GRIN3A: variants seen among roughly 807,000 people sequenced by gnomAD.
GRIN3A encodes the protein glutamate ionotropic receptor NMDA type subunit 3A.
In GRIN3A, 47 loss-of-function variants were observed where a neutral mutation model predicts 92.4. That is an observed-to-expected ratio of 0.51 (90% CI 0.40 to 0.65). The LOEUF is 0.65. Ranked by LOEUF, GRIN3A falls within the 30% of genes least tolerant of loss-of-function variation. The pLI is 0.00. For synonymous variants in GRIN3A, 527 were observed against 540.6 expected, an observed-to-expected ratio of 0.97 and a Z score of 0.35; for missense variants, 1,324 against 1,393.1, an observed-to-expected ratio of 0.95 and a Z score of 0.79.
At chr9:101,614,531 T>C (rs935070933) in intron 5 of GRIN3A, among the ~76,000 whole-genome samples, 3 of 151,956 alleles carry the variant, frequency 2.0e-5, no homozygotes, top group Non-Finnish European at 2.9e-5. Flanking sequence ...CAGCATGAAT[T>C]CATTGTGTAA....
intron 6 of GRIN3A, among the ~76,000 whole-genome samples, chr9:101,596,124 A>C (rs113372832): frequency 0.02 from 3,074 of 152,296 alleles, 33 homozygotes; most frequent in Non-Finnish European, 0.033. Context: ...CCTTCGCTTT[A>C]AAAAATGTTG....
At chr9:101,622,198 CT>C (rs1828566591) in intron 5 of GRIN3A, among the ~76,000 whole-genome samples, 1 of 152,178 alleles carries the variant, frequency 6.6e-6, no homozygotes, top group African/African-American at 2.4e-5. Flanking sequence ...ACATTTTAAT[CT>C]GCTGATATAT....
intron 1 of GRIN3A, among the ~76,000 whole-genome samples, chr9:101,693,948 G>A (rs926431510): frequency 6.6e-6 from 1 of 152,058 alleles, no homozygotes; most frequent in Non-Finnish European, 1.5e-5. Context: ...ACCACATATG[G>A]GGATGTCAAC....
chr9:101,581,704 C>T (rs770154448), intron 6 of GRIN3A, among the ~76,000 whole-genome samples: 67 of 152,138 alleles, frequency 4.4e-4, no homozygotes, highest in Non-Finnish European at 2.8e-4. Flanking sequence ...TACCCAGTCT[C>T]GGGTATTTTG....
intron 1 of GRIN3A, among the ~76,000 whole-genome samples, chr9:101,699,881 T>C (rs1829732670): frequency 6.6e-6 from 1 of 152,190 alleles, no homozygotes. Flanking sequence ...TGCCTCTACA[T>C]CCACAGGTAA....
chr9:101,671,875 T>A (rs1829331418), intron 2 of GRIN3A, among the ~76,000 whole-genome samples: 1 of 152,150 alleles, frequency 6.6e-6, no homozygotes, highest in African/African-American at 2.4e-5. Flanking sequence ...AAAGGAAAAT[T>A]ACCAACTAAA....
chr9:101,615,434 G>A (rs1438741885), intron 5 of GRIN3A, among the ~76,000 whole-genome samples: 1 of 132,718 alleles, frequency 7.5e-6, no homozygotes, highest in African/African-American at 2.8e-5. Context: ...TCGGCTCACT[G>A]CAAGCTCCGC....
intron 3 of GRIN3A, among the ~76,000 whole-genome samples, chr9:101,647,456 C>T (rs765468588): frequency 1.3e-5 from 2 of 150,624 alleles, no homozygotes; most frequent in Non-Finnish European, 1.5e-5. Context: ...CTGTAATTTT[C>T]GCCTTTTTTT....
intron 2 of GRIN3A, among the ~76,000 whole-genome samples, chr9:101,673,294 G>T (rs1829353743): frequency 6.6e-6 from 1 of 152,086 alleles, no homozygotes; most frequent in South Asian, 2.1e-4. Context: ...ACCTATTACT[G>T]ATTATTGGTA....
intron 4 of GRIN3A, among the ~76,000 whole-genome samples, chr9:101,624,060 G>A (rs1429195697): frequency 2.0e-5 from 3 of 152,178 alleles, no homozygotes; most frequent in Non-Finnish European, 4.4e-5. Flanking sequence ...TTGGAAAGGT[G>A]AAAGACATAC....
Position 101,613,411 on chromosome 9 carries a change from C to G in GRIN3A, c.2731G>C (p.Val911Leu), listed in dbSNP as rs200636529. Residue 911 changes from valine to leucine, a missense_variant, in exon 6 of 9, where the codon GTT (valine) becomes CTT (leucine). Physicochemically the swap from Val to Leu is conservative, Grantham distance 32 (BLOSUM62 1). Transcript: ENST00000361820. ...GCAAAACTTCTCTTGCCACAGGGAA[C>G]CACCCTGTACCACTTGTCATGGAGC... The part of the protein sequence containing the change: ...DMLHDKWYRV[V>L]PCGKRSFAVT... 2.5e-6 allele frequency: 4 copies of G among 1,614,144 alleles called. No homozygotes were observed. The highest frequency in any genetic ancestry group is 4.5e-5 in the East Asian group (2 of 44,880).
intron 1 of GRIN3A, among the ~76,000 whole-genome samples, chr9:101,709,704 A>C (rs560712282): frequency 1.3e-5 from 2 of 152,342 alleles, no homozygotes; most frequent in East Asian, 3.9e-4. Flanking sequence ...CGTATATGCA[A>C]GGTTAAGTGA....
At chr9:101,733,849 A>G (rs1830170376) in intron 1 of GRIN3A, among the ~76,000 whole-genome samples, 1 of 151,978 alleles carries the variant, frequency 6.6e-6, no homozygotes, top group Non-Finnish European at 1.5e-5. Flanking sequence ...TAGTAGTGGG[A>G]TCACTTTTTT....
chr9:101,738,022 G>A lies in GRIN3A; in HGVS notation c.-43C>T. 6.7e-7 allele frequency: 1 copy of A among 1,497,170 alleles called. No homozygotes were observed. The highest frequency in any genetic ancestry group is 9.0e-7 in the Non-Finnish European group (1 of 1,113,730). The allele number at this position is 1,497,170 out of a possible 1,614,324, so 92.7% of individuals were successfully genotyped here. ...AGAAAGCGCGCCCCCTCCTGCGCCC[G>A]GCTCGCCCCTCTGCAGCCGCTGCCT... On this transcript the variant is annotated 5_prime_UTR_variant, in exon 1 of 9. Coordinates refer to ENST00000361820, the MANE Select transcript of GRIN3A (RefSeq NM_133445.3).
intron 1 of GRIN3A, among the ~76,000 whole-genome samples, chr9:101,689,743 TACACAC>T (rs33984810): frequency 0.011 from 1,592 of 143,798 alleles, 10 homozygotes; most frequent in South Asian, 0.018. Context: ...CACACACACA[TACACAC>T]ACACACACAC....
chr9:101,668,048 G>A (rs974155249), intron 3 of GRIN3A, among the ~76,000 whole-genome samples: 1 of 152,044 alleles, frequency 6.6e-6, no homozygotes, highest in Non-Finnish European at 1.5e-5. Context: ...ATGCAAAGTT[G>A]ACTTTGTCCA....
At chr9:101,724,474 C>T (rs1286582563) in intron 1 of GRIN3A, among the ~76,000 whole-genome samples, 1 of 152,116 alleles carries the variant, frequency 6.6e-6, no homozygotes, top group Non-Finnish European at 1.5e-5. Flanking sequence ...AGCCCTGGTT[C>T]CCGCTCGCGC....
intron 6 of GRIN3A, among the ~76,000 whole-genome samples, chr9:101,600,486 G>C (rs1313777395): frequency 6.6e-6 from 1 of 152,164 alleles, no homozygotes; most frequent in Non-Finnish European, 1.5e-5. Flanking sequence ...AGGAGCACCT[G>C]CCTTGAGTGT....
At chr9:101,649,204 T>A (rs1477889174) in intron 3 of GRIN3A, among the ~76,000 whole-genome samples, 1 of 152,022 alleles carries the variant, frequency 6.6e-6, no homozygotes, top group African/African-American at 2.4e-5. Flanking sequence ...TTATAATTGT[T>A]TCCAGGCCAG....
Sources: gnomAD v4.1 joint callset for allele counts (sites outside exome capture counted in the v4.1 genomes callset) on GRCh38, gnomAD v4.1.1 for gene constraint, MANE v1.5 for transcripts, NCBI Gene and HGNC (gene_info 2026-07-23, HGNC 2026-07-21) for gene names.